ARL17B: variants seen among roughly 807,000 people sequenced by gnomAD.
The protein encoded by ARL17B is ADP-ribosylation factor-like protein 17.
At chr17:46,356,871 A>G (rs955415191) in intron 2 of ARL17B, among the ~76,000 whole-genome samples, 1 of 16,080 alleles carries the variant, frequency 6.2e-5, no homozygotes, top group African/African-American at 3.2e-4. Context: ...CTCTGCAGCT[A>G]CTGCCCAAGT....
intron 4 of ARL17B, among the ~76,000 whole-genome samples, chr17:46,291,606 A>G (rs1313620002): frequency 6.6e-6 from 1 of 152,092 alleles, no homozygotes; most frequent in Non-Finnish European, 1.5e-5. Context: ...ATGTTTGAAA[A>G]TGAAAATGTG....
intron 4 of ARL17B, among the ~76,000 whole-genome samples, chr17:46,291,434 C>T (rs2050063286): frequency 6.6e-6 from 1 of 151,980 alleles, no homozygotes; most frequent in African/African-American, 2.4e-5. Context: ...GGTGGCTGAA[C>T]ACTAACAGTA....
intron 3 of ARL17B, among the ~76,000 whole-genome samples, chr17:46,344,489 C>A (rs1238096792): frequency 8.8e-6 from 1 of 113,040 alleles, no homozygotes; most frequent in Non-Finnish European, 1.7e-5. Flanking sequence ...GGTTGCCTTC[C>A]GGGAGGGAAA....
chr17:46,279,217 T>A (rs1208711737), intron 4 of ARL17B, among the ~76,000 whole-genome samples: 12 of 146,504 alleles, frequency 8.2e-5, no homozygotes, highest in Non-Finnish European at 1.5e-4. Context: ...AGAGTCTCGC[T>A]CTGTCGCCTA....
intron 3 of ARL17B, among the ~76,000 whole-genome samples, chr17:46,351,856 A>G (rs1485317457): frequency 1.3e-5 from 2 of 152,216 alleles, no homozygotes; most frequent in East Asian, 3.9e-4. Flanking sequence ...TATGGTTAAT[A>G]TTTTACATGA....
chr17:46,275,287 G>T, exon 5 of ARL17B: 1 of 622,132 alleles, frequency 1.6e-6, no homozygotes, highest in Non-Finnish European at 2.7e-6. Flanking sequence ...AGTCTTGTCA[G>T]GATAGCCTCA....
At chr17:46,289,334 T>C (rs2050004132) in intron 4 of ARL17B, among the ~76,000 whole-genome samples, 1 of 152,168 alleles carries the variant, frequency 6.6e-6, no homozygotes, top group African/African-American at 2.4e-5. Context: ...CTCACCACCA[T>C]GCCCAGCTAC....
At chr17:46,284,714 C>A (rs2049858687) in intron 4 of ARL17B, among the ~76,000 whole-genome samples, 1 of 152,218 alleles carries the variant, frequency 6.6e-6, no homozygotes, top group Non-Finnish European at 1.5e-5. Flanking sequence ...AGTGTGGAAT[C>A]ATTACCACAG....
intron 4 of ARL17B, among the ~76,000 whole-genome samples, chr17:46,283,980 C>A (rs1250076922): frequency 2.0e-5 from 3 of 152,256 alleles, no homozygotes; most frequent in Non-Finnish European, 4.4e-5. Context: ...TGGCTGCCCG[C>A]GTGTCCCACC....
chr17:46,340,785 G>A lies in ARL17B; in HGVS notation c.260-1011C>T, dbSNP rs9674928. ...TTGAACTCCTGACCTCAAGTGATCC[G>A]CTCACCTTGGCCTCCCAAAGTGCTG... On this transcript the variant is annotated intron_variant, in intron 3 of 3. Transcript: ENST00000450673. 1.4e-4 allele frequency among the ~76,000 whole-genome samples: 11 copies of A among 75,870 alleles called. No individual in the cohort carries two copies. In the East Asian group the frequency reaches 2.2e-3, roughly 15 times the overall value. The allele number at this position is 75,870 out of a possible 152,430, so 49.8% of individuals were successfully genotyped here. A position where few individuals can be genotyped will look rare whatever the true frequency, so the allele number is the denominator to read the frequency against.
chr17:46,274,460 T>G (rs2049534691), downstream of ARL17B, among the ~76,000 whole-genome samples: 1 of 152,182 alleles, frequency 6.6e-6, no homozygotes, highest in Non-Finnish European at 1.5e-5. Context: ...TGATTCGCAG[T>G]TGTGTGTGTG....
chr17:46,290,606 C>A (rs2050040261), intron 4 of ARL17B, among the ~76,000 whole-genome samples: 1 of 152,120 alleles, frequency 6.6e-6, no homozygotes, highest in African/African-American at 2.4e-5. Flanking sequence ...GCCACCATGC[C>A]TGGCTAATTT....
intron 4 of ARL17B, among the ~76,000 whole-genome samples, chr17:46,278,565 G>A (rs374327304): frequency 1.7e-4 from 25 of 150,976 alleles, no homozygotes; most frequent in Middle Eastern, 3.5e-3. Flanking sequence ...CACTGCGACC[G>A]GCTAATTTTT....
At chr17:46,274,459 G>T (rs2049534607), downstream of ARL17B, among the ~76,000 whole-genome samples, 1 of 152,238 alleles carries the variant, frequency 6.6e-6, no homozygotes, top group Non-Finnish European at 1.5e-5. Flanking sequence ...TTGATTCGCA[G>T]TTGTGTGTGT....
downstream of ARL17B, among the ~76,000 whole-genome samples, chr17:46,298,676 A>T (rs1480140217): frequency 1.1e-5 from 1 of 94,896 alleles, no homozygotes; most frequent in African/African-American, 3.2e-5. Flanking sequence ...GTGAGCCGAG[A>T]TTGCACCACT....
intron 4 of ARL17B, among the ~76,000 whole-genome samples, chr17:46,286,209 G>A (rs1293220550): frequency 2.6e-5 from 4 of 152,242 alleles, no homozygotes; most frequent in African/African-American, 9.7e-5. Flanking sequence ...TAGTATTGTG[G>A]TTTTAATACT....
rs2052507043 is a variant in ARL17B at position 46,340,906 on chromosome 17, T to G, written c.260-1132A>C. On this transcript the variant is annotated intron_variant, in intron 3 of 3. Coordinates refer to ENST00000450673, the MANE Select transcript of ARL17B (RefSeq NM_001039083.5). ...GCCTAGAAAAAGGGACCTCTTTTAT[T>G]CTTTTTTTTTTTTTTTCCAGAGACG... is the stretch of plus-strand genomic sequence containing the variant. Among the ~76,000 whole-genome samples the G allele has an allele frequency of 2.5e-5, 2 of 81,034 alleles. 1 individual carries two copies. The highest frequency in any genetic ancestry group is 7.1e-5 in the African/African-American group (2 of 28,108). The allele number at this position is 81,034 out of a possible 152,430, so 53.2% of individuals were successfully genotyped here.
intron 4 of ARL17B, among the ~76,000 whole-genome samples, chr17:46,286,050 C>T (rs1315949395): frequency 6.6e-6 from 1 of 152,182 alleles, no homozygotes; most frequent in Non-Finnish European, 1.5e-5. Context: ...AATGCAGCAC[C>T]CATGGTACCA....
At chr17:46,278,403 T>A (rs1189338253) in intron 4 of ARL17B, among the ~76,000 whole-genome samples, 3,649 of 140,928 alleles carry the variant, frequency 0.026, 131 homozygotes, top group African/African-American at 0.083. Context: ...TTTATTTTGT[T>A]TTTTTTTTGT....
Sources: gnomAD v4.1 joint callset for allele counts (sites outside exome capture counted in the v4.1 genomes callset) on GRCh38, gnomAD v4.1.1 for gene constraint, MANE v1.5 for transcripts, NCBI Gene and HGNC (gene_info 2026-07-23, HGNC 2026-07-21) for gene names.